The following FAAP100 variants were observed in gnomAD, a reference collection of about 807,000 sequenced individuals.
FAAP100 encodes the protein Fanconi anemia core complex-associated protein 100.
A neutral mutation model predicts 65.8 loss-of-function variants in FAAP100; 46 were observed. The ratio of observed to expected loss-of-function variants is 0.70; its 90% CI spans 0.55 to 0.89. The LOEUF is 0.89. Ranked by LOEUF, FAAP100 falls within the 40% of genes least tolerant of loss-of-function variation. The probability of loss-of-function intolerance (pLI) is 0.00; values close to 1 mark genes in which losing one functional copy is unlikely to be tolerated. For synonymous variants in FAAP100, 663 were observed against 555.1 expected (o/e 1.19, Z -2.73); for missense variants, 1,165 against 1,196.7 (o/e 0.97, Z 0.39).
rs751227108 is a variant in FAAP100, at chr17:81,551,082, T to C, written c.412A>G (p.Ser138Gly). 5.1e-6 allele frequency: 8 copies of C among 1,579,236 alleles called. No individual in the cohort carries two copies. In the East Asian group the frequency reaches 9.4e-5, roughly 18 times the overall value. Residue 138 changes from serine (S) to glycine (G), a missense_variant, in exon 3 of 9, where the codon AGT (serine) becomes GGT (glycine). Transcript: ENST00000327787. Reference protein sequence around the residue: ...AALCAFTLLDSVLVTLVQGPA... With the variant: ...AALCAFTLLDGVLVTLVQGPA... ...CCCTGCACCAGGGTGACCAGCACAC[T>C]GTCCAGCAAGGTGAACGCGCACAGC...
rs997199045 is a variant in FAAP100 at position 81,540,452 on chromosome 17, C to A, written c.*367G>T. Reference sequence around the variant, plus strand: ...CAGAAATCCTGTTTCTCTGGCCCTCCGGGTCCAGAATGCCCTGCACTGCCT... The same window carrying A: ...CAGAAATCCTGTTTCTCTGGCCCTCAGGGTCCAGAATGCCCTGCACTGCCT... On this transcript the variant is annotated 3_prime_UTR_variant, in exon 9 of 9. Transcript: ENST00000327787. The A allele has an allele frequency of 4.9e-6, 2 of 404,394 alleles. No homozygotes were observed. Among genetic ancestry groups the A allele is most frequent in the Middle Eastern group, 6.2e-4 (1 of 1,614 alleles). The allele number at this position is 404,394 out of a possible 1,614,324, so 25.1% of individuals were successfully genotyped here.
rs1187084773 is a variant in FAAP100 at position 81,550,911 on chromosome 17, G to A, written c.583C>T (p.Pro195Ser). The A allele has an allele frequency of 6.2e-7, 1 of 1,612,576 alleles. No homozygotes were observed. The highest frequency in any genetic ancestry group is 8.5e-7 in the Non-Finnish European group (1 of 1,179,852). Residue 195 changes from proline (P) to serine (S), a missense_variant, in exon 3 of 9, where the codon CCA becomes TCA. Transcript: ENST00000327787. ...GATGGTGACACAGAGCACAGCACTG[G>A]AAGGAAGTGGGGGGCTGCAGGCTTT... ...PGKPAAPHFL[P>S]VLCSVSPSGS...
rs1005178796 is a variant in FAAP100, at chr17:81,539,988, G to GC, written c.*830dup. 2.5e-6 allele frequency: 1 copy of GC among 398,912 alleles called. No homozygotes were observed. Among genetic ancestry groups the GC allele is most frequent in the Non-Finnish European group, 4.4e-6 (1 of 226,154 alleles). 24.7% of individuals were successfully genotyped at this position (398,912 alleles called of 1,614,324 possible). On this transcript the variant is annotated 3_prime_UTR_variant, in exon 9 of 9. Transcript: ENST00000327787. The stretch of plus-strand genomic sequence containing the variant: ...AGTGCCTGCAGCGGGAGCGGCGCGA[G>GC]CACCCTCCCCAGATGAAAACACCAG...
intron 7 of FAAP100, among the ~76,000 whole-genome samples, chr17:81,541,731 C>T (rs1279237777): frequency 6.6e-6 from 1 of 152,206 alleles, no homozygotes; most frequent in Non-Finnish European, 1.5e-5. Context: ...TCCTGGGCTT[C>T]AGGCCTGAAG....
chr17:81,551,891 G>T, intron 2 of FAAP100, 37 bp downstream of exon 2: 1 of 1,521,350 alleles, frequency 6.6e-7, no homozygotes, highest in South Asian at 1.2e-5. Context: ...GGGGGCAGCA[G>T]GAGTGTGCGG....
In FAAP100 at chr17:81,551,135, G is replaced by A. The variant is rs1308490694; in HGVS notation, c.359C>T (p.Pro120Leu). 6.5e-7 allele frequency: 1 copy of A among 1,550,084 alleles called. No individual in the cohort carries two copies. Residue 120 changes from proline to leucine, a missense_variant, in exon 3 of 9, where the codon CCC (proline) becomes CTC (leucine). Transcript: ENST00000327787. ...DQPSPVIPVD[P>L]DACILPDAAL... ...AGCATCGGGAAGGATGCAGGCATCG[G>A]GGTCCACAGGGATCACGGGGGAAGG...
Position 81,540,468 on chromosome 17 carries a change from T to C in FAAP100, c.*351A>G, listed in dbSNP as rs1224635912. 4 of 406,628 alleles carry C rather than the reference T, an allele frequency of 9.8e-6. No homozygotes were observed. The highest frequency in any genetic ancestry group is 8.2e-5 in the African/African-American group (4 of 48,840). The allele number at this position is 406,628 out of a possible 1,614,324, so 25.2% of individuals were successfully genotyped here. A position where few individuals can be genotyped will look rare whatever the true frequency, so the allele number is the denominator to read the frequency against. On this transcript the variant is annotated 3_prime_UTR_variant, in exon 9 of 9. Transcript: ENST00000327787. ...CTGGCCCTCCGGGTCCAGAATGCCC[T>C]GCACTGCCTCCTGGCCTCAGGGGCT... is the stretch of plus-strand genomic sequence containing the variant.
chr17:81,542,969 G>C (rs933176239), intron 7 of FAAP100, among the ~76,000 whole-genome samples: 2 of 152,216 alleles, frequency 1.3e-5, no homozygotes, highest in African/African-American at 2.4e-5. Context: ...AGACCCCCAA[G>C]CCCAGGCAGC....
chr17:81,544,112 C>A lies in FAAP100; in HGVS notation c.2319G>T (p.Met773Ile). 4 of 1,610,400 alleles carry A rather than the reference C, an allele frequency of 2.5e-6. No homozygotes were observed. In the South Asian group the frequency reaches 4.4e-5, roughly 18 times the overall value. ...NVHLIVREVA[M>I]TDLCPAGPIQ... Reference sequence around the variant, plus strand: ...TGGGCCCTGCTGGGCACAGGTCAGTCATGGCCACCTGCAACACAGGAGCCA... The same window carrying A: ...TGGGCCCTGCTGGGCACAGGTCAGTAATGGCCACCTGCAACACAGGAGCCA... The change falls in exon 7 of 9, where the codon ATG becomes ATT. Residue 773 changes from methionine (M) to isoleucine (I), a missense_variant. Coordinates refer to ENST00000327787, the MANE Select transcript of FAAP100 (RefSeq NM_025161.6).
Position 81,550,137 on chromosome 17 carries a change from G to A in FAAP100, c.1246+111C>T, listed in dbSNP as rs1042238835. On this transcript the variant is annotated intron_variant, in intron 3 of 8. Coordinates refer to ENST00000327787, the MANE Select transcript of FAAP100 (RefSeq NM_025161.6). ...CACTAGGCTGTATCAGCACCCGTCA[G>A]CCTTGCAAAAGAACAAGCCCAGGAA... 20 of 1,085,894 alleles carry A rather than the reference G, an allele frequency of 1.8e-5. No homozygotes were observed. The Admixed American group carries it at 2.1e-4, about 11-fold the overall frequency. The allele number at this position is 1,085,894 out of a possible 1,614,324, so 67.3% of individuals were successfully genotyped here.
At chr17:81,547,769 T>C (rs766461126) in intron 4 of FAAP100, 91 bp from the exon 5 acceptor site, 135 of 1,460,642 alleles carry the variant, frequency 9.2e-5, no homozygotes, top group Non-Finnish European at 1.2e-4. Flanking sequence ...GCACCGAGCC[T>C]GGCTCCACGA....
At position 81,552,205 on chromosome 17, in the gene FAAP100, C is replaced by G; in HGVS notation, c.126G>C (p.Glu42Asp). 6.7e-7 allele frequency: 1 copy of G among 1,500,648 alleles called. No individual in the cohort carries two copies. The allele number at this position is 1,500,648 out of a possible 1,614,324, so 93.0% of individuals were successfully genotyped here. A position where few individuals can be genotyped will look rare whatever the true frequency, so the allele number is the denominator to read the frequency against. Residue 42 changes from glutamate to aspartate, a missense_variant, in exon 1 of 9, where the codon GAG becomes GAC. Transcript: ENST00000327787. Reference protein sequence around the residue: ...EAEVFLSTGSELVYVYDQEGG... With the variant: ...EAEVFLSTGSDLVYVYDQEGG... Reference sequence around the variant, plus strand: ...CCTCCTGGTCGTACACGTAGACGAGCTCGCTCCCGGTGGACAGGAAGACCT... The same window carrying G: ...CCTCCTGGTCGTACACGTAGACGAGGTCGCTCCCGGTGGACAGGAAGACCT...
chr17:81,545,778 CA>C lies in FAAP100; in HGVS notation c.2277del (p.Asp760MetfsTer14), dbSNP rs1353410808. ...ACGATGAGGTGAACGTTGGCGCCAT[CA>C]GGGGCCACTCCCTGGATGGAAGATA... ...RALSSIQGVAPDGANVHLIVR... is the reference protein window; with the variant it reads ...RALSSIQGVAXDGANVHLIVR... On this transcript the variant is annotated frameshift_variant, in exon 6 of 9. Transcript: ENST00000327787. LOFTEE classifies it high-confidence loss of function. 1 of 1,612,372 alleles carries C rather than the reference CA, an allele frequency of 6.2e-7. No individual in the cohort carries two copies. The highest frequency in any genetic ancestry group is 1.1e-5 in the South Asian group (1 of 91,038).
chr17:81,552,818 G>A (rs1431725775), upstream of FAAP100, among the ~76,000 whole-genome samples: 1 of 151,954 alleles, frequency 6.6e-6, no homozygotes, highest in Non-Finnish European at 1.5e-5. Flanking sequence ...GGCTCTTGTC[G>A]TCCTAGGGAT....
Position 81,547,667 on chromosome 17 carries a change from A to G in FAAP100, c.1415T>C (p.Leu472Pro). 1.2e-6 allele frequency: 2 copies of G among 1,610,426 alleles called. No individual in the cohort carries two copies. The highest frequency in any genetic ancestry group is 1.7e-6 in the Non-Finnish European group (2 of 1,178,030). ...IGNISERVSF[L>P]KKAVDQRNKA... is the part of the protein sequence containing the mutation. ...GTTCCGCTGGTCAACCGCCTTCTTTAGAAAAGACACTCTGCGAAGGACAGA... is the reference window on the plus strand; with the variant it reads ...GTTCCGCTGGTCAACCGCCTTCTTTGGAAAAGACACTCTGCGAAGGACAGA... The change falls in exon 5 of 9, where the codon CTA becomes CCA. Residue 472 changes from leucine to proline, a missense_variant. Transcript: ENST00000327787.
chr17:81,542,656 G>A (rs997689792), intron 7 of FAAP100, among the ~76,000 whole-genome samples: 1 of 152,178 alleles, frequency 6.6e-6, no homozygotes, highest in African/African-American at 2.4e-5. Flanking sequence ...TGGGCTCCTG[G>A]GCGCTGACTC....
rs2033526550 is a variant in FAAP100, at chr17:81,552,300, G to C, written c.31C>G (p.Leu11Val). Residue 11 changes from leucine to valine, a missense_variant, in exon 1 of 9, where the codon CTG becomes GTG. Transcript: ENST00000327787. ...CCGAGAGGGCAGCAGAAGCCCGCCAGGTAGCGGACCCGCGGCGCGGCGCCG... is the reference window on the plus strand; with the variant it reads ...CCGAGAGGGCAGCAGAAGCCCGCCACGTAGCGGACCCGCGGCGCGGCGCCG... MAGAAPRVRY[L>V]AGFCCPLGGL... is the part of the protein sequence containing the mutation. The C allele has an allele frequency of 7.0e-7, 1 of 1,438,242 alleles. No homozygotes were observed. Among genetic ancestry groups the C allele is most frequent in the Admixed American group, 3.1e-5 (1 of 32,410 alleles). 89.1% of individuals were successfully genotyped at this position (1,438,242 alleles called of 1,614,324 possible).
chr17:81,541,219 T>C, intron 8 of FAAP100, 90 bp downstream of exon 8: 1 of 1,398,010 alleles, frequency 7.2e-7, no homozygotes, highest in Non-Finnish European at 9.9e-7. Flanking sequence ...GTGAGGACTC[T>C]GCGGACCCCG....
At position 81,540,697 on chromosome 17, in the gene FAAP100, A is replaced by G; in HGVS notation, c.*122T>C. On this transcript the variant is annotated 3_prime_UTR_variant, in exon 9 of 9. Coordinates refer to ENST00000327787, the MANE Select transcript of FAAP100 (RefSeq NM_025161.6). ...ATGAGCGTTCTGCTCCTACGTGGCC[A>G]GGTCCTACCTTCCCTGACGGCTCTG... 7.8e-7 allele frequency: 1 copy of G among 1,285,504 alleles called. No individual in the cohort carries two copies. The highest frequency in any genetic ancestry group is 1.0e-6 in the Non-Finnish European group (1 of 979,882). 79.6% of individuals were successfully genotyped at this position (1,285,504 alleles called of 1,614,324 possible).
Sources: allele counts gnomAD v4.1 joint callset (sites outside exome capture counted in the v4.1 genomes callset), GRCh38; gene constraint gnomAD v4.1.1; transcripts MANE v1.5; gene names NCBI Gene and HGNC (gene_info 2026-07-23, HGNC 2026-07-21).